VPS4B: variants seen among roughly 807,000 people sequenced by gnomAD.
VPS4B encodes the protein vacuolar protein sorting 4 homolog B.
VPS4B carries 23 observed loss-of-function variants against 56.1 expected under a neutral mutation model. That is an observed-to-expected ratio of 0.41 (90% confidence interval 0.30 to 0.58). The LOEUF (loss-of-function observed/expected upper bound fraction) is 0.58. Among genes scored for constraint, VPS4B ranks in the 20% least tolerant of loss-of-function variants. The pLI, the probability that VPS4B is intolerant of heterozygous loss-of-function variation, is 0.29. For synonymous variants in VPS4B, 177 were observed against 186.0 expected (o/e 0.95, Z 0.39); for missense variants, 372 against 531.9 (o/e 0.70, Z 2.96).
intron 3 of VPS4B, among the ~76,000 whole-genome samples, chr18:63,409,860 T>C (rs1915995064): frequency 6.6e-6 from 1 of 152,210 alleles, no homozygotes; most frequent in South Asian, 2.1e-4. Flanking sequence ...GTCACTCCTA[T>C]AACCTTAAGC....
At chr18:63,416,475 C>T (rs1441503717) in intron 1 of VPS4B, 2 of 152,542 alleles carry the variant, frequency 1.3e-5, no homozygotes, top group Non-Finnish European at 2.9e-5. Flanking sequence ...ATTATCTTCC[C>T]TTTTCAGCCA....
rs377263064 is a variant in VPS4B, at chr18:63,421,010, C to G, written c.27+1223G>C. On this transcript the variant is annotated intron_variant, in intron 1 of 10. Transcript: ENST00000238497. ...CTGAAATCACGCCACTGCACTCAAG[C>G]CTGGGCGACCGTGCAAGACTCCGTC... Among the ~76,000 whole-genome samples the G allele has an allele frequency of 1.5e-3, 220 of 148,684 alleles. 1 individual carries two copies. The highest frequency in any genetic ancestry group is 8.1e-3 in the South Asian group (38 of 4,676).
rs991393388 is a variant in VPS4B, at chr18:63,406,402, A to G, written c.364+1030T>C. Among the ~76,000 whole-genome samples, 6 of 152,258 alleles carry G rather than the reference A, an allele frequency of 3.9e-5. No homozygotes were observed. The East Asian group carries it at 7.7e-4, about 20-fold the overall frequency. On this transcript the variant is annotated intron_variant, in intron 4 of 10. Coordinates refer to ENST00000238497, the MANE Select transcript of VPS4B (RefSeq NM_004869.4). ...ACAAAAATACTACCAAAACGAAGACACTAGTATAGCAAGGCTAAAAGTTTG... is the reference window on the plus strand; with the variant it reads ...ACAAAAATACTACCAAAACGAAGACGCTAGTATAGCAAGGCTAAAAGTTTG...
chr18:63,393,632 G>T, intron 9 of VPS4B, 83 bp from the exon 10 acceptor site: 1 of 1,269,846 alleles, frequency 7.9e-7, no homozygotes, highest in Non-Finnish European at 1.0e-6. Context: ...AAGTTAAAAT[G>T]TATAATAGTT....
At chr18:63,405,788 C>G (rs953529099) in intron 4 of VPS4B, among the ~76,000 whole-genome samples, 2 of 150,850 alleles carry the variant, frequency 1.3e-5, no homozygotes, top group African/African-American at 4.9e-5. Flanking sequence ...CCAAACCCCA[C>G]CTCTACAAAA....
chr18:63,406,696 T>C (rs1220562618), intron 4 of VPS4B, among the ~76,000 whole-genome samples: 3 of 152,214 alleles, frequency 2.0e-5, no homozygotes, highest in Admixed American at 6.5e-5. Context: ...TCGTCAGATA[T>C]ATGAGGTAGT....
intron 1 of VPS4B, among the ~76,000 whole-genome samples, chr18:63,418,633 T>G (rs1322482063): frequency 6.6e-6 from 1 of 152,172 alleles, no homozygotes; most frequent in Non-Finnish European, 1.5e-5. Context: ...AGTCCTAAGC[T>G]GAAGCGATCT....
chr18:63,412,057 G>C (rs943852775), intron 1 of VPS4B, among the ~76,000 whole-genome samples: 2 of 152,176 alleles, frequency 1.3e-5, no homozygotes, highest in Admixed American at 1.3e-4. Context: ...TCAAGAATCT[G>C]AAAAATACTC....
intron 3 of VPS4B, 66 bp from the exon 4 acceptor site, chr18:63,407,565 G>A: frequency 7.8e-7 from 1 of 1,277,896 alleles, no homozygotes; most frequent in Non-Finnish European, 1.1e-6. Flanking sequence ...AAAAATGAAG[G>A]AAAAATTAAC....
chr18:63,421,442 T>C (rs1216781471), intron 1 of VPS4B, among the ~76,000 whole-genome samples: 1 of 152,244 alleles, frequency 6.6e-6, no homozygotes, highest in Non-Finnish European at 1.5e-5. Flanking sequence ...TTGTGCCTTA[T>C]TGACTTACTG....
At chr18:63,414,717 G>C (rs1916124754) in intron 1 of VPS4B, among the ~76,000 whole-genome samples, 1 of 152,172 alleles carries the variant, frequency 6.6e-6, no homozygotes, top group Non-Finnish European at 1.5e-5. Context: ...TAACAGGCGT[G>C]AGCCACCGTG....
In VPS4B at chr18:63,397,177, T is replaced by C; in HGVS notation, c.949A>G (p.Thr317Ala). ...AAMFKLHLGT[T>A]QNSLTEADFR... ...TCTGCTTCCGTGAGACTGTTCTGAGTGGTCCCTAGGTGCAGTTTAAACATT... is the reference window on the plus strand; with the variant it reads ...TCTGCTTCCGTGAGACTGTTCTGAGCGGTCCCTAGGTGCAGTTTAAACATT... The change falls in exon 9 of 11, where the codon ACT (threonine) becomes GCT (alanine). Residue 317 changes from threonine to alanine, a missense_variant. Physicochemically the swap from Thr to Ala is moderately conservative, Grantham distance 58. Around this residue, in one of 3 missense-constraint regions of VPS4B, gnomAD observed 153 missense variants for 190.9 expected, o/e 0.80. Coordinates refer to ENST00000238497, the MANE Select transcript of VPS4B (RefSeq NM_004869.4). The C allele has an allele frequency of 6.2e-7, 1 of 1,614,150 alleles. No homozygotes were observed. The highest frequency in any genetic ancestry group is 8.5e-7 in the Non-Finnish European group (1 of 1,180,034).
chr18:63,418,893 TCTCC>T, intron 1 of VPS4B, among the ~76,000 whole-genome samples: 1 of 152,236 alleles, frequency 6.6e-6, no homozygotes, highest in Middle Eastern at 3.4e-3. Flanking sequence ...CCTAGTCCAC[TCTCC>T]CTACTTCTAC....
At chr18:63,398,040 C>A (rs1915710443) in intron 8 of VPS4B, among the ~76,000 whole-genome samples, 1 of 151,776 alleles carries the variant, frequency 6.6e-6, no homozygotes, top group Admixed American at 6.6e-5. Context: ...TTTTACCATA[C>A]AAAATAAATG....
chr18:63,397,604 G>A (rs912348290), intron 8 of VPS4B, among the ~76,000 whole-genome samples: 4 of 152,144 alleles, frequency 2.6e-5, no homozygotes, highest in African/African-American at 9.7e-5. Context: ...TAAAACAGGA[G>A]TAGAGATGAC....
intron 1 of VPS4B, among the ~76,000 whole-genome samples, chr18:63,420,290 T>C (rs990046982): frequency 6.6e-5 from 10 of 151,792 alleles, no homozygotes; most frequent in African/African-American, 2.4e-4. Context: ...CTACTAAAAA[T>C]AGAAAAAATT....
intron 9 of VPS4B, 117 bp from the exon 10 acceptor site, chr18:63,393,666 ACT>A: frequency 9.3e-7 from 1 of 1,077,290 alleles, no homozygotes; most frequent in Non-Finnish European, 1.2e-6. Context: ...TAGAATGTTT[ACT>A]TTTGGAAAAA....
At chr18:63,398,778 T>A (rs946750231) in intron 8 of VPS4B, among the ~76,000 whole-genome samples, 2 of 148,866 alleles carry the variant, frequency 1.3e-5, no homozygotes, top group African/African-American at 5.0e-5. Context: ...GAGGATGCAG[T>A]GAGCCGAGAT....
Position 63,389,774 on chromosome 18 carries a change from A to C in VPS4B, c.*1201T>G, listed in dbSNP as rs116847314. The C allele has an allele frequency of 0.014, 2,076 of 152,758 alleles. 27 individuals carry two copies. Among genetic ancestry groups the C allele is most frequent in the Non-Finnish European group, 0.024 (1,613 of 68,032 alleles). 9.5% of individuals were successfully genotyped at this position (152,758 alleles called of 1,614,324 possible). A position where few individuals can be genotyped will look rare whatever the true frequency, so the allele number is the denominator to read the frequency against. ...TCCTGTATTAAAAAAGGAAATATAC[A>C]TATATGTACACAGACACCCCATATC... On this transcript the variant is annotated 3_prime_UTR_variant, in exon 11 of 11. Coordinates refer to ENST00000238497, the MANE Select transcript of VPS4B (RefSeq NM_004869.4).
Sources: gnomAD v4.1 joint callset for allele counts (sites outside exome capture counted in the v4.1 genomes callset) on GRCh38, gnomAD v4.1.1 for gene constraint, gnomAD v4.1.1 regional missense constraint, MANE v1.5 for transcripts, NCBI Gene and HGNC (gene_info 2026-07-23, HGNC 2026-07-21) for gene names.